SERTM1: variants seen among roughly 807,000 people sequenced by gnomAD.
The protein encoded by SERTM1 is serine rich and transmembrane domain containing 1, also known as serine-rich and transmembrane domain-containing protein 1.
In SERTM1, 1 loss-of-function variant was observed where a neutral mutation model predicts 5.5. That is an observed-to-expected ratio of 0.18 (90% CI 0.06 to 0.86). The LOEUF is 0.86. Among genes scored for constraint, SERTM1 ranks in the 40% least tolerant of loss-of-function variants. SERTM1 has a pLI of 0.69. For synonymous variants in SERTM1, 52 were observed against 55.1 expected, an observed-to-expected ratio of 0.94 and a Z score of 0.25; for missense variants, 91 against 122.4, an observed-to-expected ratio of 0.74 and a Z score of 1.21.
At chr13:36,687,488 T>A (rs2056749336) in intron 1 of SERTM1, among the ~76,000 whole-genome samples, 2 of 152,120 alleles carry the variant, frequency 1.3e-5, no homozygotes, top group African/African-American at 4.8e-5. Context: ...AAGTATCTCC[T>A]TAATGGGGAA....
rs1234350469 is a variant in SERTM1 at position 36,696,908 on chromosome 13, T to G, written c.*1506T>G. ...TTCAACACACCGTTTGGTTAGATTGTGCAGTCAGCACTCTCCAGTGATTAG... is the reference window on the plus strand; with the variant it reads ...TTCAACACACCGTTTGGTTAGATTGGGCAGTCAGCACTCTCCAGTGATTAG... On this transcript the variant is annotated 3_prime_UTR_variant, in exon 2 of 2. Coordinates refer to ENST00000315190, the MANE Select transcript of SERTM1 (RefSeq NM_203451.3). 2 of 167,024 alleles carry G rather than the reference T, an allele frequency of 1.2e-5. No homozygotes were observed. The highest frequency in any genetic ancestry group is 1.5e-5 in the Non-Finnish European group (1 of 68,110). The allele number at this position is 167,024 out of a possible 1,614,324, so 10.3% of individuals were successfully genotyped here. A position where few individuals can be genotyped will look rare whatever the true frequency, so the allele number is the denominator to read the frequency against.
chr13:36,688,083 G>T (rs377086287), intron 1 of SERTM1, among the ~76,000 whole-genome samples: 245 of 152,082 alleles, frequency 1.6e-3, no homozygotes, highest in African/African-American at 5.8e-3. Flanking sequence ...AACATTTTCT[G>T]GTTGGACAAA....
intron 1 of SERTM1, among the ~76,000 whole-genome samples, chr13:36,674,903 C>T (rs1293725076): frequency 2.0e-5 from 3 of 152,104 alleles, no homozygotes; most frequent in Admixed American, 2.0e-4. Context: ...CCCCTCTTCC[C>T]GGGTCTGATG....
chr13:36,692,510 C>T lies in SERTM1; in HGVS notation c.-173-2396C>T, dbSNP rs150436512. On this transcript the variant is annotated intron_variant, in intron 1 of 1. Transcript: ENST00000315190. ...GAAAAATCAGCCAACTTCAGCTACA[C>T]CTGTCGAAACTGTAGGACTAAGAGA... is the stretch of plus-strand genomic sequence containing the variant. Among the ~76,000 whole-genome samples the T allele has an allele frequency of 4.7e-3, 721 of 152,322 alleles. 1 individual carries two copies. Among genetic ancestry groups the T allele is most frequent in the African/African-American group, 0.014 (566 of 41,568 alleles).
At chr13:36,685,128 C>T (rs1341783071) in intron 1 of SERTM1, among the ~76,000 whole-genome samples, 1 of 152,210 alleles carries the variant, frequency 6.6e-6, no homozygotes, top group Non-Finnish European at 1.5e-5. Context: ...TCCACCCACA[C>T]TTGATAGCCT....
chr13:36,675,999 T>C (rs1489768442), intron 1 of SERTM1, among the ~76,000 whole-genome samples: 3 of 152,206 alleles, frequency 2.0e-5, no homozygotes, highest in Admixed American at 6.5e-5. Context: ...AAGGTAAGAT[T>C]GAGTCCATTC....
At chr13:36,677,711 C>G (rs1037841939) in intron 1 of SERTM1, among the ~76,000 whole-genome samples, 3 of 152,122 alleles carry the variant, frequency 2.0e-5, no homozygotes, top group Non-Finnish European at 4.4e-5. Context: ...CAGGGGAGGC[C>G]AATATAGCAG....
intron 1 of SERTM1, 23 bp from the exon 2 acceptor site, chr13:36,694,883 A>C (rs2056802495): frequency 1.8e-6 from 1 of 556,540 alleles, no homozygotes; most frequent in Admixed American, 3.5e-5. Flanking sequence ...TGAAGAATGC[A>C]CTGACTTGCT....
At chr13:36,686,432 C>T (rs1040672652) in intron 1 of SERTM1, among the ~76,000 whole-genome samples, 16 of 152,216 alleles carry the variant, frequency 1.1e-4, no homozygotes, top group African/African-American at 2.4e-4. Context: ...TCAACTTGCA[C>T]GTTGCAAATT....
At chr13:36,677,006 A>G (rs1261095003) in intron 1 of SERTM1, among the ~76,000 whole-genome samples, 2 of 152,120 alleles carry the variant, frequency 1.3e-5, no homozygotes, top group Non-Finnish European at 2.9e-5. Flanking sequence ...CAGGAAGTCC[A>G]TCTGTGCATT....
chr13:36,697,337 A>ATATATATATATAT lies in SERTM1; in HGVS notation c.*1935_*1936insTATATATATATAT, dbSNP rs1566234536. On this transcript the variant is annotated 3_prime_UTR_variant, in exon 2 of 2. Coordinates refer to ENST00000315190, the MANE Select transcript of SERTM1 (RefSeq NM_203451.3). ...AATATATATATATATATATATATAT[A>ATATATATATATAT]AACTCACATACTCCCAATTAAAAGT... is the stretch of plus-strand genomic sequence containing the variant. The ATATATATATATAT allele has an allele frequency of 2.4e-5, 4 of 163,520 alleles. No homozygotes were observed. The highest frequency in any genetic ancestry group is 7.4e-5 in the African/African-American group (3 of 40,630). The allele number at this position is 163,520 out of a possible 1,614,324, so 10.1% of individuals were successfully genotyped here. A position where few individuals can be genotyped will look rare whatever the true frequency, so the allele number is the denominator to read the frequency against.
At chr13:36,680,729 TTTG>T (rs746056515) in intron 1 of SERTM1, among the ~76,000 whole-genome samples, 253 of 152,266 alleles carry the variant, frequency 1.7e-3, no homozygotes, top group African/African-American at 5.6e-3. Flanking sequence ...ATGGTTTTAC[TTTG>T]TTGTTGTTGT....
At chr13:36,689,633 C>G (rs944316775) in intron 1 of SERTM1, among the ~76,000 whole-genome samples, 10 of 150,248 alleles carry the variant, frequency 6.7e-5, no homozygotes, top group African/African-American at 2.2e-4. Flanking sequence ...GGTAGATGCT[C>G]AAAACAATTA....
At chr13:36,677,069 C>T (rs577599661) in intron 1 of SERTM1, among the ~76,000 whole-genome samples, 3 of 152,228 alleles carry the variant, frequency 2.0e-5, no homozygotes, top group East Asian at 3.9e-4. Flanking sequence ...ATTCTGTGGT[C>T]CCTTCTGTTC....
chr13:36,678,749 T>C (rs1194929332), intron 1 of SERTM1, among the ~76,000 whole-genome samples: 1 of 150,086 alleles, frequency 6.7e-6, no homozygotes, highest in Non-Finnish European at 1.5e-5. Flanking sequence ...GTGTGACTCT[T>C]CTGTCATTTA....
At chr13:36,675,482 T>C (rs2056664081) in intron 1 of SERTM1, among the ~76,000 whole-genome samples, 1 of 152,226 alleles carries the variant, frequency 6.6e-6, no homozygotes, top group Non-Finnish European at 1.5e-5. Context: ...GGTTTGTCTC[T>C]TAATGCAGTC....
At chr13:36,689,368 G>T (rs1037221200) in intron 1 of SERTM1, among the ~76,000 whole-genome samples, 4 of 151,906 alleles carry the variant, frequency 2.6e-5, no homozygotes, top group African/African-American at 7.3e-5. Flanking sequence ...AGCGGGGCAT[G>T]GTGGCAGGTG....
Position 36,674,037 on chromosome 13 carries a change from T to G in SERTM1, c.-321T>G, listed in dbSNP as rs1434440703. ...CCGGATCCACTCCCGCTGCGCCTGC[T>G]GTCCGCCGTGCGCCCAGACTGCGCG... On this transcript the variant is annotated 5_prime_UTR_variant, in exon 1 of 2. Coordinates refer to ENST00000315190, the MANE Select transcript of SERTM1 (RefSeq NM_203451.3). 4 of 152,296 alleles carry G rather than the reference T, an allele frequency of 2.6e-5. No individual in the cohort carries two copies. Among genetic ancestry groups the G allele is most frequent in the Non-Finnish European group, 5.9e-5 (4 of 68,138 alleles). The allele number at this position is 152,296 out of a possible 1,614,324, so 9.4% of individuals were successfully genotyped here. A position where few individuals can be genotyped will look rare whatever the true frequency, so the allele number is the denominator to read the frequency against.
At chr13:36,675,338 C>T (rs958570218) in intron 1 of SERTM1, among the ~76,000 whole-genome samples, 1 of 152,210 alleles carries the variant, frequency 6.6e-6, no homozygotes, top group Admixed American at 6.5e-5. Flanking sequence ...CGTTACTGTC[C>T]TGGGGCGGAC....
Sources: gnomAD v4.1 joint callset for allele counts (sites outside exome capture counted in the v4.1 genomes callset) on GRCh38, gnomAD v4.1.1 for gene constraint, MANE v1.5 for transcripts, NCBI Gene and HGNC (gene_info 2026-07-23, HGNC 2026-07-21) for gene names.